Variants in GPM6A observed in about 807,000 individuals in gnomAD.
GPM6A encodes glycoprotein M6A.
Under a neutral mutation model 32.1 loss-of-function variants are expected in GPM6A, and 7 were observed. The observed-to-expected ratio is 0.22, with a 90% CI of 0.12 to 0.41. GPM6A has a LOEUF of 0.41. Ranked by LOEUF, GPM6A falls within the 10% of genes least tolerant of loss-of-function variation. The pLI is 1.00. For synonymous variants in GPM6A, 130 were observed against 123.4 expected, an observed-to-expected ratio of 1.05 and a Z score of -0.35; for missense variants, 235 against 347.2, an observed-to-expected ratio of 0.68 and a Z score of 2.57.
At chr4:175,710,048 G>C (rs1272667447) in intron 1 of GPM6A, among the ~76,000 whole-genome samples, 1 of 152,086 alleles carries the variant, frequency 6.6e-6, no homozygotes, top group Non-Finnish European at 1.5e-5. Flanking sequence ...ACTCTGCTAT[G>C]TTTCCAGAAG....
At chr4:175,782,989 A>C (rs1733670656) in intron 1 of GPM6A, among the ~76,000 whole-genome samples, 1 of 152,024 alleles carries the variant, frequency 6.6e-6, no homozygotes, top group East Asian at 1.9e-4. Context: ...AGTTATTAGC[A>C]ATGATGGAGC....
At chr4:176,001,260 G>A (rs542514903) in intron 1 of GPM6A, among the ~76,000 whole-genome samples, 2 of 152,208 alleles carry the variant, frequency 1.3e-5, no homozygotes, top group South Asian at 4.1e-4. Context: ...GAGAAGCAAG[G>A]GGGAGGGGCG....
chr4:175,920,565 C>A (rs374610307), intron 1 of GPM6A, among the ~76,000 whole-genome samples: 1 of 152,064 alleles, frequency 6.6e-6, no homozygotes, highest in Non-Finnish European at 1.5e-5. Context: ...AAGAATTATA[C>A]GGCTGGGCGT....
chr4:175,774,564 A>C (rs1733318766), intron 1 of GPM6A, among the ~76,000 whole-genome samples: 1 of 152,104 alleles, frequency 6.6e-6, no homozygotes, highest in African/African-American at 2.4e-5. Context: ...CAATACATAC[A>C]TTCTTAAGAG....
At chr4:175,775,716 TA>T (rs1245683355) in intron 1 of GPM6A, among the ~76,000 whole-genome samples, 1 of 152,150 alleles carries the variant, frequency 6.6e-6, no homozygotes, top group Non-Finnish European at 1.5e-5. Flanking sequence ...TCTGGTGGTA[TA>T]AACAAGTCCA....
At chr4:175,643,544 A>G (rs1741277739) in intron 4 of GPM6A, among the ~76,000 whole-genome samples, 1 of 152,108 alleles carries the variant, frequency 6.6e-6, no homozygotes, top group Non-Finnish European at 1.5e-5. Flanking sequence ...TCAAATGACA[A>G]CTGCTCAGTG....
intron 1 of GPM6A, among the ~76,000 whole-genome samples, chr4:175,886,199 T>C (rs879712499): frequency 2.6e-5 from 4 of 151,684 alleles, no homozygotes; most frequent in Non-Finnish European, 5.9e-5. Context: ...AATAAAAGGG[T>C]TTCTACAACT....
At chr4:175,671,071 C>T (rs1239674720) in intron 3 of GPM6A, among the ~76,000 whole-genome samples, 1 of 151,870 alleles carries the variant, frequency 6.6e-6, no homozygotes. Flanking sequence ...ACTATGTTGA[C>T]CATGCTGGTC....
At chr4:175,759,101 T>C (rs1732641636) in intron 1 of GPM6A, among the ~76,000 whole-genome samples, 3 of 152,218 alleles carry the variant, frequency 2.0e-5, no homozygotes, top group Admixed American at 2.0e-4. Context: ...GTCCATTGAG[T>C]GCCAGCAAGT....
At chr4:175,651,092 C>A (rs1173705841) in intron 4 of GPM6A, among the ~76,000 whole-genome samples, 1 of 152,062 alleles carries the variant, frequency 6.6e-6, no homozygotes, top group Non-Finnish European at 1.5e-5. Flanking sequence ...CTGCGTTGCC[C>A]GTGTTTGAAT....
At chr4:175,713,874 G>A (rs1745689760) in intron 1 of GPM6A, among the ~76,000 whole-genome samples, 1 of 151,976 alleles carries the variant, frequency 6.6e-6, no homozygotes, top group Non-Finnish European at 1.5e-5. Flanking sequence ...GGTTTTCCTT[G>A]TCTGATCTTC....
intron 1 of GPM6A, among the ~76,000 whole-genome samples, chr4:175,844,932 A>G (rs1228737708): frequency 6.6e-6 from 1 of 152,132 alleles, no homozygotes; most frequent in Admixed American, 6.6e-5. Flanking sequence ...AAATATGTTA[A>G]GCACTTTTTT....
intron 4 of GPM6A, chr4:175,642,058 CCT>C (rs1316054428): frequency 6.6e-6 from 1 of 152,140 alleles, no homozygotes; most frequent in African/African-American, 2.4e-5. Context: ...ATCAACTCTC[CCT>C]CTCTTACAGA....
At chr4:175,882,122 A>G (rs1327449372) in intron 1 of GPM6A, among the ~76,000 whole-genome samples, 1 of 152,072 alleles carries the variant, frequency 6.6e-6, no homozygotes, top group Non-Finnish European at 1.5e-5. Flanking sequence ...GTAATCAATT[A>G]ATCAATTTTA....
intron 1 of GPM6A, among the ~76,000 whole-genome samples, chr4:175,829,706 AC>A (rs1735550795): frequency 1.4e-5 from 2 of 147,582 alleles, no homozygotes; most frequent in Non-Finnish European, 1.5e-5. Flanking sequence ...TATATATATT[AC>A]ATATATATGT....
At chr4:175,856,175 T>C (rs946125109) in intron 1 of GPM6A, among the ~76,000 whole-genome samples, 1 of 152,224 alleles carries the variant, frequency 6.6e-6, no homozygotes. Flanking sequence ...GAAAAATCAC[T>C]GGGTAAAAAA....
At chr4:175,680,626 G>A (rs540916161) in intron 2 of GPM6A, among the ~76,000 whole-genome samples, 3 of 152,172 alleles carry the variant, frequency 2.0e-5, no homozygotes, top group African/African-American at 7.2e-5. Context: ...TGGATATACA[G>A]GACATTAACA....
chr4:175,700,299 C>G (rs570948803), intron 2 of GPM6A, among the ~76,000 whole-genome samples: 56 of 151,914 alleles, frequency 3.7e-4, no homozygotes, highest in Non-Finnish European at 7.1e-4. Context: ...TGAAAAATAC[C>G]TTGTTCAAGA....
chr4:175,841,100 A>G (rs1448226908), intron 1 of GPM6A, among the ~76,000 whole-genome samples: 1 of 152,224 alleles, frequency 6.6e-6, no homozygotes, highest in East Asian at 1.9e-4. Context: ...TCTCTCTATA[A>G]AAATGAATTC....
Sources: gnomAD v4.1 joint callset for allele counts (sites outside exome capture counted in the v4.1 genomes callset) on GRCh38, gnomAD v4.1.1 for gene constraint, MANE v1.5 for transcripts, NCBI Gene and HGNC (gene_info 2026-07-23, HGNC 2026-07-21) for gene names.